Variants in SAR1B observed in about 807,000 individuals in gnomAD.
SAR1B encodes secretion associated Ras related GTPase 1B, also known as small COPII coat GTPase SAR1B.
In SAR1B, 23 loss-of-function variants were observed where a neutral mutation model predicts 26.8. That is an observed-to-expected ratio of 0.86 (90% CI 0.62 to 1.22). SAR1B has a LOEUF of 1.22. Ranked by LOEUF, SAR1B falls within the 50% of genes most tolerant of loss-of-function variation. The pLI is 0.00. For synonymous variants in SAR1B, 65 were observed against 80.8 expected, an observed-to-expected ratio of 0.80 and a Z score of 1.05; for missense variants, 196 against 232.8, an observed-to-expected ratio of 0.84 and a Z score of 1.03.
In SAR1B at chr5:134,601,188, A is replaced by G. The variant is rs1765027614; in HGVS notation, c.*5762T>C. 1 of 152,194 alleles carries G rather than the reference A, an allele frequency of 6.6e-6. No homozygotes were observed. Among genetic ancestry groups the G allele is most frequent in the African/African-American group, 2.4e-5 (1 of 41,440 alleles). The allele number at this position is 152,194 out of a possible 1,614,324, so 9.4% of individuals were successfully genotyped here. A position where few individuals can be genotyped will look rare whatever the true frequency, so the allele number is the denominator to read the frequency against. ...ATTAGTATTTTATTTTTCCCTTCCT[A>G]ACACTCAAATTCATGGCAGGTGAAA... On this transcript the variant is annotated 3_prime_UTR_variant, in exon 7 of 7. Transcript: ENST00000402673.
rs1765116672 is a variant in SAR1B, at chr5:134,605,785, T to C, written c.*1165A>G. 3.3e-5 allele frequency: 5 copies of C among 150,418 alleles called. No homozygotes were observed. The South Asian group carries it at 1.0e-3, about 31-fold the overall frequency. 9.3% of individuals were successfully genotyped at this position (150,418 alleles called of 1,614,324 possible). On this transcript the variant is annotated 3_prime_UTR_variant, in exon 7 of 7. Coordinates refer to ENST00000402673, the MANE Select transcript of SAR1B (RefSeq NM_016103.4). The stretch of plus-strand genomic sequence containing the variant: ...GCACTTGTTTTCTTCTACCAGGATA[T>C]AAAATATGCCAAAGAATACAAAAGA...
chr5:134,612,782 A>C (rs1283482077), intron 3 of SAR1B, 26 bp from the exon 4 acceptor site: 1 of 1,582,198 alleles, frequency 6.3e-7, no homozygotes, highest in African/African-American at 1.4e-5. Context: ...AAATATTTTT[A>C]CATGAAAATT....
chr5:134,608,250 A>G lies in SAR1B; in HGVS notation c.480+122T>C, dbSNP rs936620617. 3.7e-5 allele frequency: 38 copies of G among 1,029,556 alleles called. 2 individuals are homozygous for G. The highest frequency in any genetic ancestry group is 2.9e-4 in the African/African-American group (18 of 61,832). The allele number at this position is 1,029,556 out of a possible 1,614,324, so 63.8% of individuals were successfully genotyped here. On this transcript the variant is annotated intron_variant, in intron 6 of 6. Coordinates refer to ENST00000402673, the MANE Select transcript of SAR1B (RefSeq NM_016103.4). ...GAGGACATTAAAAAGACCCACAGGT[A>G]TAAATGACAGTTTTCTTTAAGAAAA...
At chr5:134,624,494 C>T (rs955439333) in intron 1 of SAR1B, among the ~76,000 whole-genome samples, 1 of 152,010 alleles carries the variant, frequency 6.6e-6, no homozygotes, top group Non-Finnish European at 1.5e-5. Context: ...GCACTCCAGC[C>T]AGGGTGACAG....
intron 3 of SAR1B, among the ~76,000 whole-genome samples, chr5:134,615,346 T>A (rs1401314173): frequency 2.4e-5 from 3 of 126,460 alleles, no homozygotes; most frequent in Non-Finnish European, 4.8e-5. Flanking sequence ...AGACTCCATC[T>A]CAAAAAAAAA....
intron 1 of SAR1B, among the ~76,000 whole-genome samples, chr5:134,627,788 G>C (rs1274354273): frequency 2.1e-5 from 3 of 141,920 alleles, no homozygotes; most frequent in Admixed American, 7.5e-5. Flanking sequence ...GACAGAGCGA[G>C]ACTCCATCCC....
intron 1 of SAR1B, among the ~76,000 whole-genome samples, chr5:134,629,651 C>T (rs574818859): frequency 3.5e-4 from 53 of 151,634 alleles, no homozygotes; most frequent in Non-Finnish European, 6.3e-4. Context: ...GAGCCAAGAT[C>T]GCGCCACTGC....
At chr5:134,624,307 G>A (rs780263773) in intron 1 of SAR1B, among the ~76,000 whole-genome samples, 20 of 152,278 alleles carry the variant, frequency 1.3e-4, no homozygotes, top group Non-Finnish European at 2.6e-4. Flanking sequence ...TACTCAGGAG[G>A]CTGAGGCAGG....
At chr5:134,628,205 C>T (rs1580657866) in intron 1 of SAR1B, among the ~76,000 whole-genome samples, 1 of 151,576 alleles carries the variant, frequency 6.6e-6, no homozygotes, top group Non-Finnish European at 1.5e-5. Flanking sequence ...GTGGAAAAAC[C>T]CCATTTCTAT....
At chr5:134,616,226 G>C (rs1561786320) in intron 3 of SAR1B, among the ~76,000 whole-genome samples, 1 of 151,272 alleles carries the variant, frequency 6.6e-6, no homozygotes, top group Non-Finnish European at 1.5e-5. Context: ...CACCTGAGGT[G>C]AGGAGTTCGA....
intron 1 of SAR1B, among the ~76,000 whole-genome samples, chr5:134,630,058 T>G (rs1015118718): frequency 6.6e-6 from 1 of 151,554 alleles, no homozygotes; most frequent in Non-Finnish European, 1.5e-5. Flanking sequence ...AGGTCAGGAG[T>G]TCGAGACCAG....
intron 4 of SAR1B, among the ~76,000 whole-genome samples, chr5:134,610,611 G>A (rs1327880613): frequency 2.1e-5 from 3 of 142,226 alleles, no homozygotes; most frequent in East Asian, 4.1e-4. Context: ...GTGTGGTGGT[G>A]TGTGCCTGCC....
chr5:134,632,152 A>C (rs1286042081), intron 1 of SAR1B: 6 of 152,214 alleles, frequency 3.9e-5, no homozygotes, highest in African/African-American at 1.4e-4. Flanking sequence ...CAGTAAGCCG[A>C]GATCGTGCCA....
intron 1 of SAR1B, among the ~76,000 whole-genome samples, chr5:134,630,123 G>A (rs969507453): frequency 4.6e-5 from 7 of 151,844 alleles, no homozygotes; most frequent in East Asian, 1.9e-4. Flanking sequence ...GTGAGCGAGC[G>A]TAGAAATACT....
chr5:134,613,470 G>C (rs1434466207), intron 3 of SAR1B: 1 of 151,892 alleles, frequency 6.6e-6, no homozygotes, highest in Non-Finnish European at 1.5e-5. Context: ...TTTACAAACT[G>C]GTACAATAAT....
intron 1 of SAR1B, among the ~76,000 whole-genome samples, chr5:134,626,975 A>C (rs1261733741): frequency 1.3e-5 from 2 of 152,212 alleles, no homozygotes; most frequent in Non-Finnish European, 2.9e-5. Flanking sequence ...TATTATAGAA[A>C]AATTTTAAAA....
chr5:134,628,665 T>C (rs183533989), intron 1 of SAR1B, among the ~76,000 whole-genome samples: 3 of 152,050 alleles, frequency 2.0e-5, no homozygotes, highest in Admixed American at 1.3e-4. Flanking sequence ...AAAAAATTTT[T>C]TTTTTTTGAG....
At chr5:134,630,311 T>C (rs969771814) in intron 1 of SAR1B, among the ~76,000 whole-genome samples, 2 of 151,712 alleles carry the variant, frequency 1.3e-5, no homozygotes, top group African/African-American at 4.8e-5. Context: ...CAAGATTAGC[T>C]GAGTGTGGTG....
intron 5 of SAR1B, chr5:134,609,070 T>C (rs1277634443): frequency 2.2e-6 from 1 of 456,746 alleles, no homozygotes; most frequent in Non-Finnish European, 4.4e-6. Context: ...CTGCTTACTC[T>C]GTGGCCCCAG....
Sources: gnomAD v4.1 joint callset for allele counts (sites outside exome capture counted in the v4.1 genomes callset) on GRCh38, gnomAD v4.1.1 for gene constraint, MANE v1.5 for transcripts, NCBI Gene and HGNC (gene_info 2026-07-23, HGNC 2026-07-21) for gene names.